Variants in HHLA2 observed in about 807,000 individuals in gnomAD.
HHLA2 encodes HERV-H LTR-associating protein 2.
A neutral mutation model predicts 45.9 loss-of-function variants in HHLA2; 48 were observed. That is an observed-to-expected ratio of 1.05 (90% CI 0.83 to 1.33). The LOEUF is 1.33. HHLA2 is among the 40% of genes most tolerant of loss of function. HHLA2 has a pLI of 0.00. For synonymous variants in HHLA2, 161 were observed against 173.9 expected (o/e 0.93, Z 0.59); for missense variants, 462 against 494.3 (o/e 0.93, Z 0.62).
At chr3:108,333,130 C>A (rs1166073443) in intron 3 of HHLA2, among the ~76,000 whole-genome samples, 1 of 152,136 alleles carries the variant, frequency 6.6e-6, no homozygotes, top group Non-Finnish European at 1.5e-5. Flanking sequence ...CTGGGCATCT[C>A]TTTGGAAGTG....
At chr3:108,312,239 TA>T (rs1227669249) in intron 2 of HHLA2, among the ~76,000 whole-genome samples, 1 of 152,262 alleles carries the variant, frequency 6.6e-6, no homozygotes, top group African/African-American at 2.4e-5. Flanking sequence ...TTGTTACTGC[TA>T]ATTTCTGGAT....
At chr3:108,317,991 C>A (rs1474806941) in intron 2 of HHLA2, among the ~76,000 whole-genome samples, 1 of 151,552 alleles carries the variant, frequency 6.6e-6, no homozygotes, top group African/African-American at 2.4e-5. Context: ...AGACCAGCCT[C>A]ACCAACATGG....
intron 7 of HHLA2, among the ~76,000 whole-genome samples, chr3:108,359,453 T>C (rs2081952987): frequency 6.6e-6 from 1 of 152,254 alleles, no homozygotes. Flanking sequence ...ACCTTAAATA[T>C]CATCCTTTCA....
At chr3:108,324,620 GGTAATCCT>G (rs1325797872) in intron 2 of HHLA2, among the ~76,000 whole-genome samples, 1 of 152,124 alleles carries the variant, frequency 6.6e-6, no homozygotes, top group African/African-American at 2.4e-5. Context: ...TAGCTTCTAT[GGTAATCCT>G]GTCCTTGCTT....
chr3:108,353,768 C>T, exon 5 of HHLA2: 1 of 1,608,242 alleles, frequency 6.2e-7, no homozygotes, highest in Non-Finnish European at 8.5e-7. Flanking sequence ...CAAAGTGGTG[C>T]TAAAGGTGGG....
chr3:108,368,622 A>C (rs2082110394), intron 8 of HHLA2, among the ~76,000 whole-genome samples: 1 of 151,164 alleles, frequency 6.6e-6, no homozygotes, highest in Non-Finnish European at 1.5e-5. Context: ...ACCAACAAAG[A>C]TCAAAAAAGA....
At position 108,376,489 on chromosome 3, in the gene HHLA2, G is replaced by A. The variant is rs1424440997; in HGVS notation, c.1160-4G>A. 7 of 1,592,362 alleles carry A rather than the reference G, an allele frequency of 4.4e-6. No homozygotes were observed. In the South Asian group the frequency reaches 6.9e-5, roughly 16 times the overall value. ...TTTTTAAGTTCTCTTTTTTTTTCCT[G>A]TAGAAAGATGTTGTGTCCCTCCTGG... On this transcript the variant is annotated splice_polypyrimidine_tract_variant and splice_region_variant and intron_variant, in intron 9 of 10. Coordinates refer to ENST00000619531, the Ensembl canonical transcript of HHLA2.
At chr3:108,318,180 CA>C (rs55796552) in intron 2 of HHLA2, among the ~76,000 whole-genome samples, 16,899 of 122,290 alleles carry the variant, frequency 0.14, 1,632 homozygotes, top group East Asian at 0.54. Context: ...GACTCCATCT[CA>C]AAAAAAAAAA....
chr3:108,342,259 C>CTTTT (rs58477416), intron 3 of HHLA2, among the ~76,000 whole-genome samples: 16 of 108,090 alleles, frequency 1.5e-4, no homozygotes, highest in East Asian at 8.9e-4. Flanking sequence ...TTCTTTCTCT[C>CTTTT]TTTTTTTTTT....
At chr3:108,321,882 G>A (rs1267665940) in intron 2 of HHLA2, among the ~76,000 whole-genome samples, 3 of 151,964 alleles carry the variant, frequency 2.0e-5, no homozygotes, top group African/African-American at 7.3e-5. Context: ...AATGACTTCT[G>A]CTCTTATGTT....
intron 3 of HHLA2, among the ~76,000 whole-genome samples, chr3:108,334,709 G>A (rs2081442583): frequency 6.6e-6 from 1 of 152,128 alleles, no homozygotes; most frequent in Non-Finnish European, 1.5e-5. Context: ...TGCAACAGAG[G>A]GGATTTAATT....
At chr3:108,310,104 T>C (rs1181846087) in intron 1 of HHLA2, among the ~76,000 whole-genome samples, 1 of 152,110 alleles carries the variant, frequency 6.6e-6, no homozygotes, top group South Asian at 2.1e-4. Context: ...ACCCCTACTT[T>C]TTAAAAATTA....
At chr3:108,377,376 C>T (rs1363921413) in exon 11 of HHLA2, 20 of 873,936 alleles carry the variant, frequency 2.3e-5, no homozygotes, top group Admixed American at 4.6e-5. Flanking sequence ...AATGGCCTGT[C>T]GGAGCAGACA....
At chr3:108,375,886 T>C in intron 9 of HHLA2, 86 bp downstream of exon 8, 1 of 1,516,778 alleles carries the variant, frequency 6.6e-7, no homozygotes, top group Non-Finnish European at 8.9e-7. Context: ...GTCACAGTAT[T>C]GGCCACTTTA....
At chr3:108,368,039 G>A (rs913095994) in intron 8 of HHLA2, among the ~76,000 whole-genome samples, 1 of 152,162 alleles carries the variant, frequency 6.6e-6, no homozygotes, top group African/African-American at 2.4e-5. Context: ...CCAGAAGAGA[G>A]TGGGGGCCAA....
intron 3 of HHLA2, among the ~76,000 whole-genome samples, chr3:108,330,562 A>G (rs1315935053): frequency 6.6e-6 from 1 of 152,190 alleles, no homozygotes; most frequent in African/African-American, 2.4e-5. Context: ...TTTAGCAGAG[A>G]CTCAAAGACT....
intron 2 of HHLA2, among the ~76,000 whole-genome samples, chr3:108,317,137 T>C (rs1313856724): frequency 6.6e-6 from 1 of 152,232 alleles, no homozygotes; most frequent in Admixed American, 6.5e-5. Flanking sequence ...AGGGTCTACC[T>C]GGAAGAAGGG....
chr3:108,377,191 T>C (rs765883154), intron 10 of HHLA2, 67 bp from the exon 10 acceptor site: 7 of 1,085,930 alleles, frequency 6.4e-6, no homozygotes, highest in Non-Finnish European at 9.7e-6. Flanking sequence ...TCAATAAATA[T>C]TTAAGATATA....
At chr3:108,341,698 T>A (rs1242205926) in intron 3 of HHLA2, among the ~76,000 whole-genome samples, 2 of 152,224 alleles carry the variant, frequency 1.3e-5, no homozygotes, top group Non-Finnish European at 2.9e-5. Context: ...TACTTTCAAA[T>A]GTTTGGAGAC....
Sources: allele counts gnomAD v4.1 joint callset (sites outside exome capture counted in the v4.1 genomes callset), GRCh38; gene constraint gnomAD v4.1.1; transcripts MANE v1.5; gene names NCBI Gene and HGNC (gene_info 2026-07-23, HGNC 2026-07-21).